NCKAP5: variants seen among roughly 807,000 people sequenced by gnomAD.
NCKAP5 encodes the protein NCK associated protein 5.
NCKAP5 carries 92 observed loss-of-function variants against 167.0 expected under a neutral mutation model. The ratio of observed to expected loss-of-function variants is 0.55; its 90% confidence interval spans 0.47 to 0.66. The LOEUF is 0.66. Among genes scored for constraint, NCKAP5 ranks in the 30% least tolerant of loss-of-function variants. The pLI is 0.00. For missense variants in NCKAP5, 2,378 were observed against 2,315.0 expected (o/e 1.03, Z -0.56); for synonymous variants, 891 against 877.4 (o/e 1.02, Z -0.27).
At chr2:132,954,615 AT>A (rs2076286824) in intron 8 of NCKAP5, 1 of 453,256 alleles carries the variant, frequency 2.2e-6, no homozygotes, top group Admixed American at 2.4e-5. Context: ...ACTGCATCAT[AT>A]TTTTGAAAAG....
chr2:133,211,242 T>G (rs2150162133), intron 5 of NCKAP5, among the ~76,000 whole-genome samples: 1 of 152,214 alleles, frequency 6.6e-6, no homozygotes, highest in South Asian at 2.1e-4. Flanking sequence ...TTTTATTTAT[T>G]TATTTAGAGA....
intron 6 of NCKAP5, among the ~76,000 whole-genome samples, chr2:133,070,846 T>C (rs2080370267): frequency 6.6e-6 from 1 of 152,180 alleles, no homozygotes; most frequent in South Asian, 2.1e-4. Context: ...TATAAATACA[T>C]ATAGTACACG....
At chr2:132,939,684 A>G (rs1459690084) in intron 8 of NCKAP5, among the ~76,000 whole-genome samples, 2 of 152,154 alleles carry the variant, frequency 1.3e-5, no homozygotes, top group African/African-American at 4.8e-5. Flanking sequence ...CCATCACCCA[A>G]GCAGTGTACA....
chr2:133,596,197 C>T, the NCKAP5 span: 1 of 158,278 alleles, frequency 6.3e-6, no homozygotes, highest in African/African-American at 2.4e-5. Context: ...CCTCATCACT[C>T]CATGTGCGTC....
At chr2:133,115,167 T>C (rs1455716346) in intron 6 of NCKAP5, among the ~76,000 whole-genome samples, 3 of 152,152 alleles carry the variant, frequency 2.0e-5, no homozygotes, top group Non-Finnish European at 4.4e-5. Flanking sequence ...AGTGAAAGGA[T>C]TTAAACAAAA....
In NCKAP5 at chr2:132,712,836, T is replaced by C. The variant is rs1688995765; in HGVS notation, c.5713+12791A>G. On this transcript the variant is annotated intron_variant, in intron 19 of 19. Transcript: ENST00000409261. The stretch of plus-strand genomic sequence containing the variant: ...GCAGAGAACAAGAGCAATTTGATGG[T>C]CAGGGTGAAACCAAGGTGTTATGGG... Among the ~76,000 whole-genome samples, 5 of 152,218 alleles carry C rather than the reference T, an allele frequency of 3.3e-5. No individual in the cohort carries two copies. In the South Asian group the frequency reaches 1.0e-3, roughly 32 times the overall value.
chr2:133,193,462 G>A (rs920149072), intron 5 of NCKAP5, among the ~76,000 whole-genome samples: 1 of 152,062 alleles, frequency 6.6e-6, no homozygotes, highest in African/African-American at 2.4e-5. Context: ...ATGTACAGTA[G>A]TTATCTAGCA....
chr2:133,491,019 CAGG>C (rs1424369678), intron 3 of NCKAP5, among the ~76,000 whole-genome samples: 5 of 152,156 alleles, frequency 3.3e-5, no homozygotes, highest in African/African-American at 9.7e-5. Flanking sequence ...GCTGTGGAAA[CAGG>C]AGAAGAAAAG....
At chr2:133,007,610 G>A (rs2078012416) in intron 6 of NCKAP5, among the ~76,000 whole-genome samples, 2 of 152,156 alleles carry the variant, frequency 1.3e-5, no homozygotes, top group Admixed American at 1.3e-4. Flanking sequence ...CTTCGGGTCT[G>A]AGCAGCAGGG....
chr2:133,413,071 T>A (rs887837639), intron 3 of NCKAP5, among the ~76,000 whole-genome samples: 1 of 152,122 alleles, frequency 6.6e-6, no homozygotes, highest in African/African-American at 2.4e-5. Context: ...GGAGCAAACA[T>A]GCAGAGCCCA....
intron 2 of NCKAP5, among the ~76,000 whole-genome samples, chr2:133,547,159 G>C (rs550601843): frequency 3.3e-5 from 5 of 152,176 alleles, no homozygotes; most frequent in Non-Finnish European, 7.3e-5. Context: ...CGAATATTGC[G>C]CTATTCGGAC....
rs190667116 is a variant in NCKAP5 at position 133,393,572 on chromosome 2, A to C, written c.70-90462T>G. 1.6e-4 allele frequency among the ~76,000 whole-genome samples: 25 copies of C among 152,362 alleles called. No individual in the cohort carries two copies. In the East Asian group the frequency reaches 4.2e-3, roughly 26 times the overall value. On this transcript the variant is annotated intron_variant, in intron 3 of 19. Coordinates refer to ENST00000409261, the MANE Select transcript of NCKAP5 (RefSeq NM_207363.3). ...AACTATTGCTGTTTATAACCACCAT[A>C]AATTATATTCATCTTTCATACTGAG...
intron 11 of NCKAP5, among the ~76,000 whole-genome samples, chr2:132,839,532 G>A (rs1305757152): frequency 1.3e-5 from 2 of 151,968 alleles, no homozygotes; most frequent in Admixed American, 6.6e-5. Flanking sequence ...AGGCTGAGGC[G>A]GGCAGATTGC....
the NCKAP5 span, among the ~76,000 whole-genome samples, chr2:133,667,826 C>T: frequency 6.6e-6 from 1 of 151,892 alleles, no homozygotes; most frequent in Non-Finnish European, 1.5e-5. Context: ...TCAAAGAGCA[C>T]AATTCAGTAG....
At chr2:132,879,415 G>A (rs72850142) in intron 8 of NCKAP5, among the ~76,000 whole-genome samples, 4,811 of 152,304 alleles carry the variant, frequency 0.032, 119 homozygotes, top group Middle Eastern at 0.054. Flanking sequence ...AATGAGAAAT[G>A]TAAGACTTGA....
chr2:132,999,436 C>T (rs1308344601), intron 6 of NCKAP5, among the ~76,000 whole-genome samples: 1 of 152,204 alleles, frequency 6.6e-6, no homozygotes, highest in Non-Finnish European at 1.5e-5. Context: ...TTTTAAAATA[C>T]GGACCACTGG....
At chr2:132,933,293 A>G (rs1000833081) in intron 8 of NCKAP5, among the ~76,000 whole-genome samples, 3 of 152,146 alleles carry the variant, frequency 2.0e-5, no homozygotes, top group Admixed American at 6.5e-5. Flanking sequence ...GGTTTGCACT[A>G]TAAATATATG....
At chr2:132,764,878 A>G (rs1681314614) in intron 16 of NCKAP5, among the ~76,000 whole-genome samples, 1 of 152,222 alleles carries the variant, frequency 6.6e-6, no homozygotes, top group Non-Finnish European at 1.5e-5. Flanking sequence ...TTTAAATATG[A>G]ATGCCATTTC....
intron 11 of NCKAP5, among the ~76,000 whole-genome samples, chr2:132,838,246 T>C (rs535972767): frequency 8.5e-5 from 13 of 152,322 alleles, no homozygotes; most frequent in African/African-American, 3.1e-4. Context: ...TTCCCTTTGC[T>C]ATTTGCTCAA....
Sources: allele counts gnomAD v4.1 joint callset (sites outside exome capture counted in the v4.1 genomes callset), GRCh38; gene constraint gnomAD v4.1.1; transcripts MANE v1.5; gene names NCBI Gene and HGNC (gene_info 2026-07-23, HGNC 2026-07-21).